Variants in GALNT17 observed in about 807,000 individuals in gnomAD.
The protein encoded by GALNT17 is UDP-GalNAc:polypeptide N-acetylgalactosaminyltransferase-like 3.
In GALNT17, 29 loss-of-function variants were observed where a neutral mutation model predicts 63.7. That is an observed-to-expected ratio of 0.46 (90% CI 0.34 to 0.62). GALNT17 has a LOEUF of 0.62. Ranked by LOEUF, GALNT17 falls within the 20% of genes least tolerant of loss-of-function variation. The pLI, the probability that GALNT17 is intolerant of heterozygous loss-of-function variation, is 0.01. For synonymous variants in GALNT17, 305 were observed against 318.3 expected (o/e 0.96, Z 0.45); for missense variants, 603 against 799.6 (o/e 0.75, Z 2.97).
At chr7:71,547,504 T>G (rs1789006032) in intron 5 of GALNT17, among the ~76,000 whole-genome samples, 1 of 152,076 alleles carries the variant, frequency 6.6e-6, no homozygotes, top group Non-Finnish European at 1.5e-5. Context: ...CAGGCGGGTC[T>G]GGAACTCCCT....
intron 6 of GALNT17, among the ~76,000 whole-genome samples, chr7:71,580,398 A>ATGATTGAT (rs992582367): frequency 2.9e-4 from 25 of 85,652 alleles, no homozygotes; most frequent in African/African-American, 8.1e-4. Flanking sequence ...TGATAGATGG[A>ATGATTGAT]TGATAGATAG....
At chr7:71,574,113 A>G (rs929536777) in intron 6 of GALNT17, among the ~76,000 whole-genome samples, 5 of 152,224 alleles carry the variant, frequency 3.3e-5, no homozygotes, top group Non-Finnish European at 7.3e-5. Flanking sequence ...TAGTGCTGCA[A>G]TGAACATACG....
At chr7:71,425,659 C>T (rs1463633324) in intron 5 of GALNT17, among the ~76,000 whole-genome samples, 1 of 152,110 alleles carries the variant, frequency 6.6e-6, no homozygotes, top group African/African-American at 2.4e-5. Flanking sequence ...CACCCGGCCC[C>T]CAGAACTTGA....
chr7:71,209,924 A>G (rs962549297), intron 1 of GALNT17, among the ~76,000 whole-genome samples: 1 of 151,782 alleles, frequency 6.6e-6, no homozygotes, highest in South Asian at 2.1e-4. Context: ...TTATTTATTT[A>G]TTTATTTATT....
chr7:71,517,630 A>G (rs1788465732), intron 5 of GALNT17, among the ~76,000 whole-genome samples: 1 of 152,214 alleles, frequency 6.6e-6, no homozygotes, highest in South Asian at 2.1e-4. Context: ...TCACTACTAT[A>G]TAAGACTCCA....
intron 3 of GALNT17, among the ~76,000 whole-genome samples, chr7:71,400,031 G>A (rs1420966402): frequency 3.9e-5 from 6 of 152,050 alleles, no homozygotes; most frequent in Non-Finnish European, 5.9e-5. Flanking sequence ...TGCGCAGAAC[G>A]TGCAGGTTTG....
intron 1 of GALNT17, among the ~76,000 whole-genome samples, chr7:71,293,977 G>T (rs1037709881): frequency 3.9e-5 from 6 of 152,064 alleles, no homozygotes; most frequent in African/African-American, 1.4e-4. Context: ...GGCTAACACG[G>T]TAAAACCCCG....
intron 1 of GALNT17, among the ~76,000 whole-genome samples, chr7:71,305,995 G>A (rs1165921095): frequency 6.6e-6 from 1 of 152,108 alleles, no homozygotes; most frequent in East Asian, 1.9e-4. Flanking sequence ...GAGGCAGGCG[G>A]ATCACTTGAG....
intron 5 of GALNT17, among the ~76,000 whole-genome samples, chr7:71,512,806 G>A (rs948403628): frequency 5.9e-5 from 9 of 152,206 alleles, no homozygotes; most frequent in African/African-American, 9.6e-5. Flanking sequence ...CAAGGGGAAG[G>A]CAGTGGTGGA....
intron 1 of GALNT17, among the ~76,000 whole-genome samples, chr7:71,259,644 T>C (rs1183901253): frequency 6.8e-6 from 1 of 146,974 alleles, no homozygotes; most frequent in Non-Finnish European, 1.5e-5. Context: ...TTTTGTTTTT[T>C]TGTTTTTTTT....
chr7:71,635,960 A>G (rs1035236000), intron 6 of GALNT17, among the ~76,000 whole-genome samples: 7 of 152,108 alleles, frequency 4.6e-5, no homozygotes, highest in African/African-American at 1.7e-4. Flanking sequence ...CAAGGTCTTC[A>G]TGACCTGTAT....
At chr7:71,174,156 C>G (rs1305287264) in intron 1 of GALNT17, among the ~76,000 whole-genome samples, 1 of 152,190 alleles carries the variant, frequency 6.6e-6, no homozygotes, top group South Asian at 2.1e-4. Flanking sequence ...AACCCATAGC[C>G]TCTCAGAGTG....
intron 1 of GALNT17, among the ~76,000 whole-genome samples, chr7:71,183,349 C>T (rs1320703535): frequency 1.3e-5 from 2 of 152,154 alleles, no homozygotes; most frequent in African/African-American, 4.8e-5. Context: ...TGATCTTGGC[C>T]TGGTGTGCTA....
intron 2 of GALNT17, among the ~76,000 whole-genome samples, chr7:71,376,425 G>GTTTTTTTTTTT (rs57171551): frequency 3.2e-5 from 2 of 63,362 alleles, no homozygotes; most frequent in Admixed American, 2.8e-4. Flanking sequence ...GTTTGGAGTT[G>GTTTTTTTTTTT]TTTTTTTTTT....
intron 3 of GALNT17, among the ~76,000 whole-genome samples, chr7:71,396,045 T>A (rs1456314190): frequency 1.3e-5 from 2 of 152,174 alleles, no homozygotes; most frequent in African/African-American, 4.8e-5. Flanking sequence ...TTGCAAATAT[T>A]TTCTCTCTTT....
intron 5 of GALNT17, among the ~76,000 whole-genome samples, chr7:71,516,888 C>T (rs188101349): frequency 1.2e-4 from 19 of 152,302 alleles, no homozygotes; most frequent in African/African-American, 3.8e-4. Flanking sequence ...AAAACAATTA[C>T]AGCCTCCCAG....
At position 71,455,572 on chromosome 7, in the gene GALNT17, T is replaced by C. The variant is rs144289697; in HGVS notation, c.962+34467T>C. Among the ~76,000 whole-genome samples the C allele has an allele frequency of 1.0e-3, 155 of 152,222 alleles. 1 individual carries two copies. The highest frequency in any genetic ancestry group is 3.6e-3 in the African/African-American group (149 of 41,538). On this transcript the variant is annotated intron_variant, in intron 5 of 10. Transcript: ENST00000333538. Reference sequence around the variant, plus strand: ...CATTTATTCATTTAGCAAACATTTCTTGAACATCACTATGAGGAAAGCGCT... The same window carrying C: ...CATTTATTCATTTAGCAAACATTTCCTGAACATCACTATGAGGAAAGCGCT...
intron 5 of GALNT17, among the ~76,000 whole-genome samples, chr7:71,538,025 G>C (rs1412719810): frequency 6.6e-6 from 1 of 152,072 alleles, no homozygotes; most frequent in Admixed American, 6.6e-5. Context: ...TGGACTTTCA[G>C]CCTACAGAGA....
intron 1 of GALNT17, among the ~76,000 whole-genome samples, chr7:71,149,484 G>A (rs1426963358): frequency 1.3e-5 from 2 of 152,068 alleles, no homozygotes; most frequent in African/African-American, 4.8e-5. Flanking sequence ...GGGGCGAAAC[G>A]TGTGCTGGGG....
Sources: gnomAD v4.1 joint callset for allele counts (sites outside exome capture counted in the v4.1 genomes callset) on GRCh38, gnomAD v4.1.1 for gene constraint, MANE v1.5 for transcripts, NCBI Gene and HGNC (gene_info 2026-07-23, HGNC 2026-07-21) for gene names.